TTC7B: variants seen among roughly 807,000 people sequenced by gnomAD.
The protein encoded by TTC7B is tetratricopeptide repeat protein 7B.
Under a neutral mutation model 106.8 loss-of-function variants are expected in TTC7B, and 28 were observed. That is an observed-to-expected ratio of 0.26 (90% CI 0.19 to 0.36). The LOEUF (loss-of-function observed/expected upper bound fraction) is 0.36. TTC7B is among the 10% of genes least tolerant of loss of function. TTC7B has a pLI of 1.00. For synonymous variants in TTC7B, 405 were observed against 430.6 expected (o/e 0.94, Z 0.74); for missense variants, 862 against 1,076.4 (o/e 0.80, Z 2.79).
At chr14:90,621,307 C>T (rs914216923) in intron 15 of TTC7B, among the ~76,000 whole-genome samples, 52 of 149,326 alleles carry the variant, frequency 3.5e-4, no homozygotes, top group African/African-American at 1.2e-3. Context: ...GCAGAGGCCA[C>T]GCGGGTACAG....
intron 9 of TTC7B, among the ~76,000 whole-genome samples, chr14:90,672,215 T>G (rs960247637): frequency 6.6e-6 from 1 of 152,176 alleles, no homozygotes; most frequent in African/African-American, 2.4e-5. Flanking sequence ...TTAAGACCTC[T>G]TCTCTCTCTC....
At chr14:90,685,611 TA>T (rs1566835813) in intron 7 of TTC7B, among the ~76,000 whole-genome samples, 1 of 151,912 alleles carries the variant, frequency 6.6e-6, no homozygotes, top group Admixed American at 6.6e-5. Context: ...AGACTGACTC[TA>T]AAAAAGAGAA....
At chr14:90,797,994 T>A (rs2029986196) in intron 1 of TTC7B, among the ~76,000 whole-genome samples, 1 of 152,160 alleles carries the variant, frequency 6.6e-6, no homozygotes, top group Non-Finnish European at 1.5e-5. Flanking sequence ...TCTTGCACTG[T>A]CCCTGGGCTT....
intron 1 of TTC7B, among the ~76,000 whole-genome samples, chr14:90,814,440 G>A (rs1048948972): frequency 6.6e-6 from 1 of 152,206 alleles, no homozygotes. Context: ...CCTGCCTCCT[G>A]AGAGCAGGGT....
chr14:90,787,094 GT>G (rs1891419496), intron 1 of TTC7B, among the ~76,000 whole-genome samples: 1 of 152,196 alleles, frequency 6.6e-6, no homozygotes, highest in South Asian at 2.1e-4. Context: ...ATGAGTCTGT[GT>G]CAAAATGACC....
chr14:90,761,876 C>T (rs1890513479), intron 3 of TTC7B, among the ~76,000 whole-genome samples: 2 of 152,200 alleles, frequency 1.3e-5, no homozygotes, highest in African/African-American at 4.8e-5. Flanking sequence ...CTTGGTTCAG[C>T]CCTTTGTACT....
At chr14:90,720,132 C>A (rs528328823) in intron 5 of TTC7B, among the ~76,000 whole-genome samples, 4 of 151,662 alleles carry the variant, frequency 2.6e-5, no homozygotes, top group Admixed American at 6.6e-5. Context: ...AAAGACTGGA[C>A]GCCCCTGACT....
intron 4 of TTC7B, among the ~76,000 whole-genome samples, chr14:90,740,347 C>A (rs1350759115): frequency 1.3e-5 from 2 of 152,048 alleles, no homozygotes; most frequent in Admixed American, 1.3e-4. Context: ...CAGAAACAAA[C>A]CAAGGTCAAA....
At chr14:90,568,550 G>T (rs1890889770) in intron 19 of TTC7B, among the ~76,000 whole-genome samples, 1 of 152,112 alleles carries the variant, frequency 6.6e-6, no homozygotes, top group South Asian at 2.1e-4. Flanking sequence ...GTGACAAAAG[G>T]CACCGCATGC....
chr14:90,744,614 T>C (rs1372935603), intron 4 of TTC7B, among the ~76,000 whole-genome samples, 178 bp downstream of exon 4: 1 of 152,152 alleles, frequency 6.6e-6, no homozygotes, highest in Admixed American at 6.6e-5. Context: ...GGCCCAACCA[T>C]CTATTTTTCA....
At chr14:90,615,344 G>C (rs933184816) in intron 16 of TTC7B, among the ~76,000 whole-genome samples, 1 of 152,162 alleles carries the variant, frequency 6.6e-6, no homozygotes, top group African/African-American at 2.4e-5. Context: ...TCTGGAAGGG[G>C]GTGGGAAGAC....
At chr14:90,719,223 G>A (rs149208587) in intron 5 of TTC7B, among the ~76,000 whole-genome samples, 19 of 152,254 alleles carry the variant, frequency 1.2e-4, no homozygotes, top group African/African-American at 3.9e-4. Context: ...GCAGTGGGCC[G>A]TGACTGCACC....
At chr14:90,581,945 A>G (rs1891513789) in intron 18 of TTC7B, among the ~76,000 whole-genome samples, 1 of 152,116 alleles carries the variant, frequency 6.6e-6, no homozygotes, top group Non-Finnish European at 1.5e-5. Flanking sequence ...TCCAGCCCCC[A>G]TGGCACTTTT....
chr14:90,781,506 A>G (rs1358019497), intron 2 of TTC7B, among the ~76,000 whole-genome samples: 3 of 152,200 alleles, frequency 2.0e-5, no homozygotes, highest in African/African-American at 7.2e-5. Context: ...GGCTCCCTTC[A>G]TCAGGCCTGT....
intron 4 of TTC7B, 90 bp from the exon 5 acceptor site, chr14:90,730,286 A>C: frequency 6.8e-7 from 1 of 1,460,120 alleles, no homozygotes; most frequent in South Asian, 1.4e-5. Flanking sequence ...GCTCGACCTA[A>C]AAAACCAACT....
Position 90,578,152 on chromosome 14 carries a change from T to C in TTC7B, c.2264A>G (p.Glu755Gly). The stretch of plus-strand genomic sequence containing the variant: ...GTGGGTGGGGCTGATGGCTAAGGCC[T>C]CTTCATACCACCGCCGCGCCTCGTC... Reference protein sequence around the residue: ...SMDEARRWYEEALAISPTHVK... With the variant: ...SMDEARRWYEGALAISPTHVK... The change falls in exon 19 of 20, where the codon GAG becomes GGG. Residue 755 changes from glutamate (E) to glycine (G), a missense_variant. Transcript: ENST00000328459. The surrounding 1 kb of genome is among the most constrained non-coding windows in gnomAD (Gnocchi z 4.7). The C allele has an allele frequency of 6.2e-7, 1 of 1,613,372 alleles. No homozygotes were observed. The highest frequency in any genetic ancestry group is 8.5e-7 in the Non-Finnish European group (1 of 1,179,784).
intron 13 of TTC7B, among the ~76,000 whole-genome samples, chr14:90,647,725 C>T (rs1198354328): frequency 5.9e-5 from 9 of 152,172 alleles, no homozygotes; most frequent in Non-Finnish European, 1.2e-4. Flanking sequence ...GTGGTCTTCT[C>T]TGCTTCTATG....
At chr14:90,732,725 C>T (rs1031246839) in intron 4 of TTC7B, among the ~76,000 whole-genome samples, 39 of 151,298 alleles carry the variant, frequency 2.6e-4, no homozygotes, top group African/African-American at 7.3e-5. Flanking sequence ...CCACTGCGCC[C>T]GGCTCCTGAA....
intron 17 of TTC7B, among the ~76,000 whole-genome samples, chr14:90,607,250 C>T (rs1041097590): frequency 7.9e-5 from 12 of 152,206 alleles, no homozygotes; most frequent in African/African-American, 2.9e-4. Flanking sequence ...AAGGAATCTG[C>T]CTGCACAGCG....
Sources: gnomAD v4.1 joint callset for allele counts (sites outside exome capture counted in the v4.1 genomes callset) on GRCh38, gnomAD v4.1.1 for gene constraint, Gnocchi (gnomAD v3.1) non-coding constraint, MANE v1.5 for transcripts, NCBI Gene and HGNC (gene_info 2026-07-23, HGNC 2026-07-21) for gene names.